Variants in FTO observed in about 807,000 individuals in gnomAD.
FTO encodes the protein alpha-ketoglutarate-dependent dioxygenase FTO.
In FTO, 47 loss-of-function variants were observed where a neutral mutation model predicts 63.9. That is an observed-to-expected ratio of 0.74 (90% confidence interval 0.58 to 0.94). The LOEUF (loss-of-function observed/expected upper bound fraction) is 0.94. Among genes scored for constraint, FTO ranks in the 40% least tolerant of loss-of-function variants. The pLI is 0.00. For synonymous variants in FTO, 207 were observed against 224.4 expected (o/e 0.92, Z 0.69); for missense variants, 562 against 618.1 (o/e 0.91, Z 0.96).
chr16:54,039,298 AT>A (rs1227060220), intron 8 of FTO: 1 of 152,002 alleles, frequency 6.6e-6, no homozygotes, highest in African/African-American at 2.4e-5. Flanking sequence ...GAGGAGGGAG[AT>A]TTTCTCAAGA....
chr16:53,874,016 C>G, intron 5 of FTO, 151 bp downstream of exon 5: 1 of 669,174 alleles, frequency 1.5e-6, no homozygotes, highest in South Asian at 1.5e-5. Flanking sequence ...GCTTTTTGAG[C>G]TTTGGATTGT....
At chr16:54,093,094 GA>G (rs1474415533) in intron 8 of FTO, among the ~76,000 whole-genome samples, 10 of 18,806 alleles carry the variant, frequency 5.3e-4, no homozygotes, top group African/African-American at 2.7e-3. Context: ...TTCCTGGAGG[GA>G]CAGGAACACT....
At chr16:53,813,216 C>CTT (rs72112859) in intron 2 of FTO, among the ~76,000 whole-genome samples, 18 of 145,022 alleles carry the variant, frequency 1.2e-4, no homozygotes, top group East Asian at 6.0e-4. Context: ...TTTTTCTTTT[C>CTT]TTTTTTTTTT....
At chr16:53,746,772 G>A (rs1413804301) in intron 1 of FTO, among the ~76,000 whole-genome samples, 1 of 152,118 alleles carries the variant, frequency 6.6e-6, no homozygotes, top group Non-Finnish European at 1.5e-5. Context: ...TCACACTGCA[G>A]TATATCTAAA....
rs547585978 is a variant in FTO at position 53,984,709 on chromosome 16, G to T, written c.1364+50600G>T. On this transcript the variant is annotated intron_variant, in intron 8 of 8. Transcript: ENST00000471389. ...GCCCCTAAAGCATCAACTGAAGATG[G>T]TGTCCCTACTGCAGTCAAACAGAAA... Among the ~76,000 whole-genome samples, 9 of 152,262 alleles carry T rather than the reference G, an allele frequency of 5.9e-5. No homozygotes were observed. In the South Asian group the frequency reaches 1.9e-3, roughly 32 times the overall value.
intron 8 of FTO, among the ~76,000 whole-genome samples, chr16:54,073,788 A>G (rs2085924742): frequency 6.6e-6 from 1 of 152,166 alleles, no homozygotes; most frequent in East Asian, 1.9e-4. Context: ...TAGAATACTC[A>G]TGTACAGAAT....
chr16:53,911,050 A>G (rs2081682459), intron 7 of FTO, among the ~76,000 whole-genome samples: 2 of 152,254 alleles, frequency 1.3e-5, no homozygotes, highest in Admixed American at 6.5e-5. Context: ...AGCTGAAAAT[A>G]CCAGTTTGGA....
intron 1 of FTO, among the ~76,000 whole-genome samples, chr16:53,780,612 C>G (rs2077564235): frequency 6.6e-6 from 1 of 152,054 alleles, no homozygotes; most frequent in Non-Finnish European, 1.5e-5. Flanking sequence ...TCAGGTGATT[C>G]ACCCACCTCG....
chr16:54,016,445 G>A (rs904014240), intron 8 of FTO, among the ~76,000 whole-genome samples: 2 of 152,082 alleles, frequency 1.3e-5, no homozygotes, highest in Admixed American at 6.6e-5. Flanking sequence ...TTTGATTGCC[G>A]GTCTGAACTT....
At chr16:53,847,632 G>T (rs901953264) in intron 4 of FTO, among the ~76,000 whole-genome samples, 4 of 151,956 alleles carry the variant, frequency 2.6e-5, no homozygotes, top group African/African-American at 9.7e-5. Context: ...GCCGGGTGTG[G>T]TGGTGGATGC....
intron 7 of FTO, among the ~76,000 whole-genome samples, chr16:53,895,908 C>G (rs566058065): frequency 3.9e-5 from 6 of 152,252 alleles, no homozygotes; most frequent in Admixed American, 3.9e-4. Context: ...GAGAGAAAAA[C>G]TGGAGTAAAC....
chr16:53,943,988 G>A (rs2082599266), intron 8 of FTO, among the ~76,000 whole-genome samples: 1 of 152,144 alleles, frequency 6.6e-6, no homozygotes, highest in Non-Finnish European at 1.5e-5. Context: ...ACATTATATT[G>A]ACAAATCTCT....
chr16:54,109,873 T>C (rs2086840068), intron 8 of FTO, among the ~76,000 whole-genome samples: 1 of 152,212 alleles, frequency 6.6e-6, no homozygotes, highest in South Asian at 2.1e-4. Context: ...ACACTTATCA[T>C]AGCCCTTTAA....
At chr16:53,769,233 A>G (rs2077278704) in intron 1 of FTO, among the ~76,000 whole-genome samples, 1 of 152,036 alleles carries the variant, frequency 6.6e-6, no homozygotes, top group African/African-American at 2.4e-5. Context: ...GTGAGAGGGG[A>G]GATGAAAATG....
In FTO at chr16:53,858,848, A is replaced by G. The variant is rs374579137; in HGVS notation, c.895+14550A>G. Among the ~76,000 whole-genome samples the G allele has an allele frequency of 1.2e-4, 19 of 152,020 alleles. No individual in the cohort carries two copies. The East Asian group carries it at 3.7e-3, about 29-fold the overall frequency. On this transcript the variant is annotated intron_variant, in intron 4 of 8. Coordinates refer to ENST00000471389, the MANE Select transcript of FTO (RefSeq NM_001080432.3). ...GCTGATTTTTGTATTTTTACTAGAG[A>G]CGGGGTTTCACCATGTTGGCCAGGA...
chr16:53,754,637 C>CA (rs796567179), intron 1 of FTO, among the ~76,000 whole-genome samples: 1,614 of 142,534 alleles, frequency 0.011, 32 homozygotes, highest in African/African-American at 0.039. Flanking sequence ...GACTTCGTCT[C>CA]AAAAAAAAAA....
chr16:54,104,244 G>C (rs2086699236), intron 8 of FTO, among the ~76,000 whole-genome samples: 2 of 151,634 alleles, frequency 1.3e-5, no homozygotes, highest in African/African-American at 4.9e-5. Context: ...ATTTCCTGCT[G>C]ATCTGGCAGG....
chr16:54,020,055 A>G (rs1398114391), intron 8 of FTO, among the ~76,000 whole-genome samples: 3 of 152,240 alleles, frequency 2.0e-5, no homozygotes, highest in African/African-American at 7.2e-5. Context: ...AATTGTAAAA[A>G]TTAGGAGTAT....
chr16:53,985,386 T>G (rs1301037197), intron 8 of FTO, among the ~76,000 whole-genome samples: 7 of 152,204 alleles, frequency 4.6e-5, no homozygotes, highest in African/African-American at 1.2e-4. Context: ...CCCGCATTAT[T>G]ATCGCAGATC....
Sources: gnomAD v4.1 joint callset for allele counts (sites outside exome capture counted in the v4.1 genomes callset) on GRCh38, gnomAD v4.1.1 for gene constraint, MANE v1.5 for transcripts, NCBI Gene and HGNC (gene_info 2026-07-23, HGNC 2026-07-21) for gene names.